The following PDE1C variants were observed in gnomAD, a reference collection of about 807,000 sequenced individuals.
PDE1C encodes the protein phosphodiesterase 1C, also known as dual specificity calcium/calmodulin-dependent 3',5'-cyclic nucleotide phosphodiesterase 1C.
Under a neutral mutation model 93.1 loss-of-function variants are expected in PDE1C, and 62 were observed. That is an observed-to-expected ratio of 0.67 (90% CI 0.54 to 0.82). PDE1C has a LOEUF of 0.82. Ranked by LOEUF, PDE1C falls within the 40% of genes least tolerant of loss-of-function variation. PDE1C has a pLI of 0.00. For synonymous variants in PDE1C, 325 were observed against 310.1 expected (o/e 1.05, Z -0.50); for missense variants, 742 against 884.6 (o/e 0.84, Z 2.04).
chr7:31,706,154 G>A, the PDE1C span, among the ~76,000 whole-genome samples: 3 of 151,484 alleles, frequency 2.0e-5, no homozygotes, highest in East Asian at 1.9e-4. Flanking sequence ...ACAGGTGCCC[G>A]CCACCATGCC....
chr7:31,652,164 C>A, the PDE1C span: 3 of 826,808 alleles, frequency 3.6e-6, no homozygotes, highest in South Asian at 3.4e-5. Context: ...CATGCCAACA[C>A]CTTCATTTTA....
intron 17 of PDE1C, among the ~76,000 whole-genome samples, chr7:31,765,656 G>C (rs926850415): frequency 6.6e-6 from 1 of 152,180 alleles, no homozygotes; most frequent in African/African-American, 2.4e-5. Context: ...CTTCAATCCA[G>C]TCCACAGTAA....
At chr7:31,676,620 T>C in the PDE1C span, among the ~76,000 whole-genome samples, 2 of 152,080 alleles carry the variant, frequency 1.3e-5, no homozygotes, top group African/African-American at 2.4e-5. Context: ...TGTGTGTGTA[T>C]AATTAATTTC....
the PDE1C span, among the ~76,000 whole-genome samples, chr7:31,619,797 C>G: frequency 4.6e-5 from 7 of 152,114 alleles, no homozygotes; most frequent in African/African-American, 1.4e-4. Context: ...GCTGAAGCAG[C>G]GCGAGGCATT....
chr7:32,084,693 G>A (rs1796951898), intron 3 of PDE1C, among the ~76,000 whole-genome samples: 6 of 143,862 alleles, frequency 4.2e-5, no homozygotes, highest in Admixed American at 4.2e-4. Flanking sequence ...TCAGGATTAA[G>A]AAACTCACTC....
chr7:31,835,488 C>A (rs1483369879), intron 11 of PDE1C, among the ~76,000 whole-genome samples: 3 of 151,318 alleles, frequency 2.0e-5, no homozygotes, highest in Admixed American at 6.6e-5. Context: ...AATAGGGTAC[C>A]TGTTGACATA....
the PDE1C span, among the ~76,000 whole-genome samples, chr7:31,699,834 T>C: frequency 2.6e-5 from 4 of 152,110 alleles, no homozygotes; most frequent in Admixed American, 6.6e-5. Context: ...CTGTGATCAG[T>C]GATGTTTGAT....
intron 13 of PDE1C, among the ~76,000 whole-genome samples, chr7:31,824,162 G>C (rs186515305): frequency 6.6e-6 from 1 of 152,122 alleles, no homozygotes; most frequent in African/African-American, 2.4e-5. Flanking sequence ...AAAGCCCACT[G>C]TTCTACATGA....
At chr7:32,172,165 T>C (rs1355346723) in intron 2 of PDE1C, among the ~76,000 whole-genome samples, 2 of 152,170 alleles carry the variant, frequency 1.3e-5, no homozygotes, top group African/African-American at 2.4e-5. Context: ...CATTAACCAA[T>C]TGCCGTTGGC....
At chr7:31,790,111 G>C in intron 16 of PDE1C, 1 of 1,544,124 alleles carries the variant, frequency 6.5e-7, no homozygotes, top group Non-Finnish European at 8.7e-7. Context: ...AGGGGGTGGG[G>C]GGCTTGTGTT....
intron 1 of PDE1C, among the ~76,000 whole-genome samples, chr7:32,367,636 G>T (rs539474207): frequency 1.3e-5 from 2 of 152,218 alleles, no homozygotes; most frequent in Admixed American, 1.3e-4. Flanking sequence ...TGGGTGGATT[G>T]CTTGTGCCCA....
At chr7:31,624,894 A>G in the PDE1C span, among the ~76,000 whole-genome samples, 2 of 152,240 alleles carry the variant, frequency 1.3e-5, no homozygotes, top group African/African-American at 4.8e-5. Context: ...GCTAATATCC[A>G]GAATCTACAA....
intron 3 of PDE1C, among the ~76,000 whole-genome samples, chr7:32,121,408 A>G (rs1034429976): frequency 1.3e-5 from 2 of 152,162 alleles, no homozygotes; most frequent in African/African-American, 4.8e-5. Context: ...TGAGAAGATC[A>G]ACCCCAAGAC....
At chr7:32,011,686 A>G (rs991207385) in intron 2 of PDE1C, among the ~76,000 whole-genome samples, 1 of 152,224 alleles carries the variant, frequency 6.6e-6, no homozygotes, top group African/African-American at 2.4e-5. Flanking sequence ...CCAAGTGTTG[A>G]CAAGGATATG....
At chr7:31,697,466 C>T in the PDE1C span, among the ~76,000 whole-genome samples, 2 of 152,130 alleles carry the variant, frequency 1.3e-5, no homozygotes, top group Non-Finnish European at 2.9e-5. Flanking sequence ...GGCTGGTTCT[C>T]CTGAGACACT....
the PDE1C span, among the ~76,000 whole-genome samples, chr7:31,734,905 A>G: frequency 6.6e-6 from 1 of 152,212 alleles, no homozygotes; most frequent in Non-Finnish European, 1.5e-5. Flanking sequence ...CTTTTGGCCT[A>G]GAGTTGCCGA....
intron 16 of PDE1C, chr7:31,787,235 G>A (rs1237438979): frequency 6.6e-6 from 1 of 152,108 alleles, no homozygotes; most frequent in Non-Finnish European, 1.5e-5. Flanking sequence ...GCTTTCAGAT[G>A]TTTAGATATC....
intron 1 of PDE1C, among the ~76,000 whole-genome samples, chr7:32,401,619 C>T (rs939806168): frequency 7.9e-5 from 12 of 152,104 alleles, no homozygotes; most frequent in Admixed American, 3.3e-4. Flanking sequence ...TGTCCTGATG[C>T]TTTTGTGTGG....
At chr7:31,851,870 T>C (rs1793382271) in intron 7 of PDE1C, among the ~76,000 whole-genome samples, 1 of 152,130 alleles carries the variant, frequency 6.6e-6, no homozygotes, top group African/African-American at 2.4e-5. Context: ...TATAGAAAAG[T>C]TAGAGAGCTT....
Sources: allele counts gnomAD v4.1 joint callset (sites outside exome capture counted in the v4.1 genomes callset), GRCh38; gene constraint gnomAD v4.1.1; transcripts MANE v1.5; gene names NCBI Gene and HGNC (gene_info 2026-07-23, HGNC 2026-07-21).